Variants in CA10 observed in about 807,000 individuals in gnomAD.
CA10 encodes carbonic anhydrase-related protein 10.
CA10 carries 14 observed loss-of-function variants against 44.2 expected under a neutral mutation model. That is an observed-to-expected ratio of 0.32 (90% CI 0.21 to 0.50). CA10 has a LOEUF of 0.50. Ranked by LOEUF, CA10 falls within the 20% of genes least tolerant of loss-of-function variation. The pLI, the probability that CA10 is intolerant of heterozygous loss-of-function variation, is 0.99. For synonymous variants in CA10, 159 were observed against 141.6 expected, an observed-to-expected ratio of 1.12 and a Z score of -0.87; for missense variants, 350 against 409.7, an observed-to-expected ratio of 0.85 and a Z score of 1.26.
intron 6 of CA10, among the ~76,000 whole-genome samples, chr17:51,642,934 C>T (rs188567489): frequency 6.6e-5 from 10 of 152,278 alleles, no homozygotes; most frequent in East Asian, 1.9e-4. Context: ...TGAGTCAACA[C>T]GCCCAGCCAC....
chr17:51,694,297 T>C (rs938436207), intron 4 of CA10, among the ~76,000 whole-genome samples: 5 of 152,202 alleles, frequency 3.3e-5, no homozygotes, highest in African/African-American at 1.2e-4. Context: ...TTCCTTTTTC[T>C]CCACAGCTTG....
At chr17:52,101,770 A>T (rs780309293) in intron 1 of CA10, among the ~76,000 whole-genome samples, 3 of 152,168 alleles carry the variant, frequency 2.0e-5, no homozygotes, top group African/African-American at 4.8e-5. Flanking sequence ...TATTCTTCTC[A>T]AGGGCACTTC....
intron 3 of CA10, among the ~76,000 whole-genome samples, chr17:51,884,637 T>A (rs191343517): frequency 6.6e-6 from 1 of 152,194 alleles, no homozygotes. Flanking sequence ...TAGCACTTAG[T>A]ACAAAATGAT....
rs1193879588 is a variant in CA10, at chr17:51,747,711, C to T, written c.387G>A (p.Glu129=). The T allele has an allele frequency of 1.2e-6, 2 of 1,614,202 alleles. No individual in the cohort carries two copies. The highest frequency in any genetic ancestry group is 2.2e-5 in the East Asian group (1 of 44,882). Residue 129 remains glutamate, a synonymous_variant, in exon 4 of 9, where the codon GAG becomes GAA. Transcript: ENST00000451037. ...CACTCCCAAAGTGTAGTCGGATCTC[C>T]TCCAGCCGGTGGCTGTATGTCATGG... ...GGPMTYSHRL[E]EIRLHFGSED...
intron 1 of CA10, among the ~76,000 whole-genome samples, chr17:52,143,652 C>A (rs1989526922): frequency 6.6e-6 from 1 of 152,184 alleles, no homozygotes; most frequent in South Asian, 2.1e-4. Context: ...ATCACTGGGA[C>A]CTAAAATCAG....
At chr17:51,677,558 T>A (rs2143375796) in intron 4 of CA10, among the ~76,000 whole-genome samples, 1 of 152,242 alleles carries the variant, frequency 6.6e-6, no homozygotes, top group Non-Finnish European at 1.5e-5. Context: ...CATTTCTTTA[T>A]AGCAATGCGA....
rs560617450 is a variant in CA10, at chr17:51,630,714, C to A, written c.*870G>T. On this transcript the variant is annotated 3_prime_UTR_variant, in exon 9 of 9. Coordinates refer to ENST00000451037, the MANE Select transcript of CA10 (RefSeq NM_020178.5). ...CAAGTGAAATCAAAGAATGCAGTTG[C>A]ATGGAGCCAGGGCTTAGCCTGTAAG... 6.6e-6 allele frequency: 1 copy of A among 152,626 alleles called. No homozygotes were observed. The highest frequency in any genetic ancestry group is 2.4e-5 in the African/African-American group (1 of 41,548). 9.5% of individuals were successfully genotyped at this position (152,626 alleles called of 1,614,324 possible).
chr17:51,729,371 G>GCACA (rs71149376), intron 4 of CA10, among the ~76,000 whole-genome samples: 2,590 of 152,026 alleles, frequency 0.017, 32 homozygotes, highest in Non-Finnish European at 0.029. Context: ...ACACACACAT[G>GCACA]CACACACACA....
intron 2 of CA10, among the ~76,000 whole-genome samples, chr17:52,066,503 A>G (rs968790343): frequency 6.6e-6 from 1 of 152,182 alleles, no homozygotes; most frequent in Non-Finnish European, 1.5e-5. Flanking sequence ...GTAGTGAATG[A>G]GTCTCATGAG....
chr17:51,774,891 C>T (rs1461414062), intron 3 of CA10, among the ~76,000 whole-genome samples: 1 of 152,160 alleles, frequency 6.6e-6, no homozygotes, highest in Non-Finnish European at 1.5e-5. Context: ...TTAATACATA[C>T]ATCCTATAGT....
At chr17:51,765,463 G>T (rs922282933) in intron 3 of CA10, among the ~76,000 whole-genome samples, 1 of 152,182 alleles carries the variant, frequency 6.6e-6, no homozygotes, top group African/African-American at 2.4e-5. Context: ...GTCTTCCCAA[G>T]ATAATTATGG....
chr17:52,049,476 G>C (rs1986999343), intron 2 of CA10, among the ~76,000 whole-genome samples: 1 of 152,230 alleles, frequency 6.6e-6, no homozygotes, highest in East Asian at 1.9e-4. Context: ...TGTTTTACAA[G>C]TGTTTGTTAA....
chr17:51,889,387 T>C (rs1395622111), intron 3 of CA10, among the ~76,000 whole-genome samples: 1 of 152,016 alleles, frequency 6.6e-6, no homozygotes, highest in Non-Finnish European at 1.5e-5. Flanking sequence ...AGCTAGGTGT[T>C]GGGGTGAACA....
At chr17:52,058,798 T>A (rs1462858753) in intron 2 of CA10, among the ~76,000 whole-genome samples, 4 of 152,150 alleles carry the variant, frequency 2.6e-5, no homozygotes, top group Non-Finnish European at 5.9e-5. Flanking sequence ...CTGCAGCCAA[T>A]CCACATGTGT....
chr17:51,822,131 A>G (rs570282182), intron 3 of CA10, among the ~76,000 whole-genome samples: 9 of 151,812 alleles, frequency 5.9e-5, no homozygotes, highest in Non-Finnish European at 1.2e-4. Flanking sequence ...CATATTAAAA[A>G]CCCCATCCTT....
At chr17:52,106,844 G>T (rs1567735420) in intron 1 of CA10, among the ~76,000 whole-genome samples, 1 of 152,124 alleles carries the variant, frequency 6.6e-6, no homozygotes, top group Non-Finnish European at 1.5e-5. Flanking sequence ...CCCTCTACTG[G>T]CCACATGCTG....
intron 3 of CA10, among the ~76,000 whole-genome samples, chr17:51,845,381 C>T (rs1978448065): frequency 6.6e-6 from 1 of 152,064 alleles, no homozygotes; most frequent in South Asian, 2.1e-4. Flanking sequence ...GCAGAGAGGC[C>T]CCATGGTGAG....
At chr17:52,036,060 C>T (rs1027510213) in intron 2 of CA10, among the ~76,000 whole-genome samples, 13 of 152,122 alleles carry the variant, frequency 8.5e-5, no homozygotes, top group South Asian at 8.3e-4. Context: ...TTTTCTGATT[C>T]GGTAGGGGTG....
At chr17:52,086,427 A>T (rs1042638419) in intron 1 of CA10, among the ~76,000 whole-genome samples, 9 of 152,284 alleles carry the variant, frequency 5.9e-5, no homozygotes, top group African/African-American at 2.2e-4. Context: ...GCCAGAATGG[A>T]AAAAAGCGTG....
Sources: gnomAD v4.1 joint callset for allele counts (sites outside exome capture counted in the v4.1 genomes callset) on GRCh38, gnomAD v4.1.1 for gene constraint, MANE v1.5 for transcripts, NCBI Gene and HGNC (gene_info 2026-07-23, HGNC 2026-07-21) for gene names.